The following CDK14 variants were observed in gnomAD, a reference collection of about 807,000 sequenced individuals.
CDK14 encodes the protein cyclin dependent kinase 14.
In CDK14, 34 loss-of-function variants were observed where a neutral mutation model predicts 60.7. The observed-to-expected ratio is 0.56, with a 90% CI of 0.43 to 0.75. The LOEUF (loss-of-function observed/expected upper bound fraction) is 0.75. Among genes scored for constraint, CDK14 ranks in the 30% least tolerant of loss-of-function variants. The probability of loss-of-function intolerance (pLI) is 0.00; values close to 1 mark genes in which losing one functional copy is unlikely to be tolerated. For missense variants in CDK14, 482 were observed against 564.1 expected (o/e 0.85, Z 1.47); for synonymous variants, 197 against 203.7 (o/e 0.97, Z 0.28).
intron 11 of CDK14, among the ~76,000 whole-genome samples, chr7:91,051,865 A>G (rs910487300): frequency 2.6e-5 from 4 of 152,184 alleles, no homozygotes; most frequent in Non-Finnish European, 5.9e-5. Flanking sequence ...GCTGTGGTTC[A>G]TATGTCTCTG....
intron 11 of CDK14, among the ~76,000 whole-genome samples, chr7:91,049,845 A>G (rs191086506): frequency 7.6e-4 from 116 of 152,326 alleles, no homozygotes; most frequent in African/African-American, 2.7e-3. Flanking sequence ...AGGGAGAGAC[A>G]TATAGTAAGT....
At chr7:91,178,259 T>C (rs1263037933) in intron 14 of CDK14, among the ~76,000 whole-genome samples, 1 of 106,384 alleles carries the variant, frequency 9.4e-6, no homozygotes, top group South Asian at 3.2e-4. Context: ...GCTAGCCATA[T>C]GTAGAAAGCT....
At chr7:91,138,219 G>A (rs889827247) in intron 14 of CDK14, among the ~76,000 whole-genome samples, 1 of 152,132 alleles carries the variant, frequency 6.6e-6, no homozygotes, top group African/African-American at 2.4e-5. Flanking sequence ...CTGCAATTCT[G>A]TATGAAGGCT....
intron 2 of CDK14, among the ~76,000 whole-genome samples, chr7:90,657,085 G>T (rs1322413576): frequency 3.3e-5 from 5 of 152,100 alleles, no homozygotes; most frequent in Non-Finnish European, 7.4e-5. Flanking sequence ...ACAAACATTT[G>T]GTTGATTAGA....
chr7:90,915,827 T>C (rs1049935044), intron 7 of CDK14, among the ~76,000 whole-genome samples: 1 of 152,192 alleles, frequency 6.6e-6, no homozygotes, highest in Non-Finnish European at 1.5e-5. Context: ...TTCATTAAAA[T>C]TGTTTGAACG....
chr7:90,772,618 A>G (rs1251469085), intron 4 of CDK14, among the ~76,000 whole-genome samples: 2 of 152,152 alleles, frequency 1.3e-5, no homozygotes, highest in South Asian at 2.1e-4. Flanking sequence ...CCAAGTGAGG[A>G]ACGTGCTTGC....
intron 7 of CDK14, among the ~76,000 whole-genome samples, chr7:90,903,896 G>A (rs1792605467): frequency 6.6e-6 from 1 of 152,212 alleles, no homozygotes; most frequent in South Asian, 2.1e-4. Flanking sequence ...GTGGGCATTT[G>A]CTCAGACGCA....
intron 11 of CDK14, among the ~76,000 whole-genome samples, chr7:91,059,149 A>G (rs1797692664): frequency 6.6e-6 from 1 of 152,226 alleles, no homozygotes; most frequent in African/African-American, 2.4e-5. Context: ...GTGTGTGTCT[A>G]GGAATTTATC....
chr7:91,174,134 AG>A (rs540507265), intron 14 of CDK14, among the ~76,000 whole-genome samples: 4,623 of 152,174 alleles, frequency 0.03, 119 homozygotes, highest in Non-Finnish European at 0.05. Context: ...TGCCTCCTCA[AG>A]TGGGTCCCTG....
chr7:90,601,130 C>A (rs1386494511), intron 1 of CDK14, among the ~76,000 whole-genome samples: 1 of 152,222 alleles, frequency 6.6e-6, no homozygotes, highest in Non-Finnish European at 1.5e-5. Context: ...GAGCAGAGGA[C>A]TGAATAGAAT....
At chr7:91,010,831 T>TCCTTCCTTCCTC (rs1554403731) in intron 10 of CDK14, among the ~76,000 whole-genome samples, 2 of 64,016 alleles carry the variant, frequency 3.1e-5, no homozygotes, top group Admixed American at 1.5e-4. Context: ...CTTCCTTCCT[T>TCCTTCCTTCCTC]CCTCCCTCCC....
At chr7:90,737,849 G>A (rs1803184995) in intron 3 of CDK14, among the ~76,000 whole-genome samples, 1 of 152,134 alleles carries the variant, frequency 6.6e-6, no homozygotes, top group Non-Finnish European at 1.5e-5. Context: ...CTCCATTGTG[G>A]TTTTCCTCAA....
At position 90,775,532 on chromosome 7, in the gene CDK14, G is replaced by T. The variant is rs1324489995; in HGVS notation, c.465-15041G>T. On this transcript the variant is annotated intron_variant, in intron 4 of 14. Coordinates refer to ENST00000380050, the MANE Select transcript of CDK14 (RefSeq NM_001287135.2). ...GAAAATTTGATTTCTCTAGAAATGT[G>T]AAATACAGGTTTTTCAAAGACCTCA... 2.6e-5 allele frequency among the ~76,000 whole-genome samples: 4 copies of T among 151,856 alleles called. No homozygotes were observed. In the South Asian group the frequency reaches 6.2e-4, roughly 24 times the overall value.
chr7:90,870,511 C>T (rs1791336985), intron 6 of CDK14, among the ~76,000 whole-genome samples: 1 of 152,150 alleles, frequency 6.6e-6, no homozygotes, highest in Non-Finnish European at 1.5e-5. Flanking sequence ...TAAAAAAATT[C>T]ATAAAATCAG....
intron 5 of CDK14, among the ~76,000 whole-genome samples, chr7:90,816,234 G>T (rs1039363926): frequency 6.6e-6 from 1 of 152,108 alleles, no homozygotes; most frequent in Non-Finnish European, 1.5e-5. Flanking sequence ...TGCCAGGGCA[G>T]CTGGCTGGAG....
intron 8 of CDK14, among the ~76,000 whole-genome samples, chr7:90,939,175 G>A (rs938983002): frequency 7.2e-5 from 11 of 152,148 alleles, no homozygotes; most frequent in South Asian, 2.1e-4. Flanking sequence ...ATCTTCAGCC[G>A]TAGTGTAAGA....
At chr7:90,860,267 C>A (rs893059497) in intron 5 of CDK14, among the ~76,000 whole-genome samples, 1 of 151,786 alleles carries the variant, frequency 6.6e-6, no homozygotes, top group East Asian at 1.9e-4. Context: ...TTTATTCTTA[C>A]ACAGAGTTAG....
intron 5 of CDK14, among the ~76,000 whole-genome samples, chr7:90,801,702 A>T (rs1189615197): frequency 6.6e-6 from 1 of 152,102 alleles, no homozygotes; most frequent in African/African-American, 2.4e-5. Flanking sequence ...AGGTATATGG[A>T]CATGTTTTTT....
chr7:90,981,488 A>G (rs561469482), intron 9 of CDK14, among the ~76,000 whole-genome samples: 1 of 152,360 alleles, frequency 6.6e-6, no homozygotes, highest in South Asian at 2.1e-4. Context: ...TTTGAATAAG[A>G]ATCATGTGGT....
Sources: allele counts gnomAD v4.1 joint callset (sites outside exome capture counted in the v4.1 genomes callset), GRCh38; gene constraint gnomAD v4.1.1; transcripts MANE v1.5; gene names NCBI Gene and HGNC (gene_info 2026-07-23, HGNC 2026-07-21).